PTPRG: variants seen among roughly 807,000 people sequenced by gnomAD.
PTPRG encodes the protein receptor-type tyrosine-protein phosphatase gamma.
PTPRG carries 102 observed loss-of-function variants against 165.3 expected under a neutral mutation model. That is an observed-to-expected ratio of 0.62 (90% CI 0.53 to 0.73). The LOEUF is 0.73. PTPRG is among the 30% of genes least tolerant of loss of function. The probability of loss-of-function intolerance (pLI) is 0.00; values close to 1 mark genes in which losing one functional copy is unlikely to be tolerated. For missense variants in PTPRG, 1,866 were observed against 1,861.4 expected (o/e 1.00, Z -0.05); for synonymous variants, 675 against 669.5 (o/e 1.01, Z -0.13).
chr3:62,106,501 G>C (rs1017499856), intron 5 of PTPRG, among the ~76,000 whole-genome samples: 3 of 120,030 alleles, frequency 2.5e-5, no homozygotes, highest in Non-Finnish European at 3.4e-5. Flanking sequence ...AACTCTTAAA[G>C]GCTTTTTTTT....
chr3:62,067,625 G>A (rs139418593), intron 4 of PTPRG, among the ~76,000 whole-genome samples: 14 of 152,280 alleles, frequency 9.2e-5, no homozygotes, highest in Admixed American at 2.6e-4. Flanking sequence ...TCCCATCTAG[G>A]GATGATGGGA....
intron 1 of PTPRG, among the ~76,000 whole-genome samples, chr3:61,687,218 A>G (rs1703661947): frequency 1.3e-5 from 2 of 152,258 alleles, no homozygotes; most frequent in Admixed American, 1.3e-4. Context: ...TGACTTAAAC[A>G]TCTTATTATC....
intron 3 of PTPRG, 114 bp downstream of exon 3, chr3:61,989,918 G>A (rs142224207): frequency 3.6e-6 from 4 of 1,119,260 alleles, no homozygotes; most frequent in Admixed American, 5.0e-5. Flanking sequence ...GCTGTGGGGA[G>A]CCTAAATCAG....
intron 19 of PTPRG, among the ~76,000 whole-genome samples, chr3:62,268,745 T>G (rs1328052569): frequency 6.6e-6 from 1 of 152,166 alleles, no homozygotes; most frequent in Non-Finnish European, 1.5e-5. Flanking sequence ...GTTTCTTTCT[T>G]AGTCCCTTTT....
intron 1 of PTPRG, among the ~76,000 whole-genome samples, chr3:61,708,836 T>C (rs923379476): frequency 2.0e-5 from 3 of 152,230 alleles, no homozygotes; most frequent in Admixed American, 6.5e-5. Flanking sequence ...TGAAAAATAT[T>C]TTGGAAACTT....
intron 2 of PTPRG, among the ~76,000 whole-genome samples, chr3:61,957,063 G>C (rs1389185257): frequency 6.6e-6 from 1 of 152,120 alleles, no homozygotes; most frequent in African/African-American, 2.4e-5. Context: ...ATAAAAACTT[G>C]TACTGTGAAT....
intron 14 of PTPRG, among the ~76,000 whole-genome samples, chr3:62,238,145 G>C (rs184882530): frequency 6.6e-6 from 1 of 152,348 alleles, no homozygotes; most frequent in East Asian, 1.9e-4. Flanking sequence ...TGCTTACTCT[G>C]TGAGAGGGAT....
At chr3:61,600,376 A>G (rs13434097) in intron 1 of PTPRG, among the ~76,000 whole-genome samples, 17,629 of 152,004 alleles carry the variant, frequency 0.12, 1,137 homozygotes, top group African/African-American at 0.17. Flanking sequence ...CAATGTTGAC[A>G]TTACACAAAA....
intron 2 of PTPRG, among the ~76,000 whole-genome samples, chr3:61,796,528 A>G (rs1386643616): frequency 2.0e-5 from 3 of 152,212 alleles, no homozygotes; most frequent in Non-Finnish European, 4.4e-5. Context: ...CAAAGTCTGC[A>G]TGACGCTCTG....
At chr3:61,815,242 CAAAA>C (rs749800087) in intron 2 of PTPRG, among the ~76,000 whole-genome samples, 2,912 of 110,154 alleles carry the variant, frequency 0.026, 32 homozygotes, top group Non-Finnish European at 0.041. Context: ...ACTAAAAATA[CAAAA>C]AAAAAAAAAA....
intron 1 of PTPRG, among the ~76,000 whole-genome samples, chr3:61,563,287 TTC>T (rs1421539294): frequency 6.6e-6 from 1 of 152,140 alleles, no homozygotes; most frequent in Non-Finnish European, 1.5e-5. Flanking sequence ...TCTCGCTCCT[TTC>T]TGGCCAGGTT....
chr3:61,805,768 A>G (rs1348648522), intron 2 of PTPRG, among the ~76,000 whole-genome samples: 1 of 152,184 alleles, frequency 6.6e-6, no homozygotes, highest in African/African-American at 2.4e-5. Context: ...GGAAGGACAG[A>G]AGGGAGATTT....
chr3:62,182,095 G>A (rs562049573), intron 8 of PTPRG, among the ~76,000 whole-genome samples: 6 of 152,302 alleles, frequency 3.9e-5, no homozygotes, highest in East Asian at 1.9e-4. Context: ...AAGAGAAAAT[G>A]TATTTACTGT....
At chr3:61,786,430 G>A (rs1165164491) in intron 2 of PTPRG, among the ~76,000 whole-genome samples, 1 of 152,168 alleles carries the variant, frequency 6.6e-6, no homozygotes, top group East Asian at 1.9e-4. Context: ...AGCCTCATGA[G>A]TTATTTCATC....
intron 2 of PTPRG, among the ~76,000 whole-genome samples, chr3:61,817,836 T>C (rs899601661): frequency 7.9e-5 from 12 of 152,176 alleles, no homozygotes; most frequent in African/African-American, 2.7e-4. Context: ...TGTGGTGATT[T>C]TGGGGCTCTA....
chr3:61,844,408 A>G (rs1379214305), intron 2 of PTPRG, among the ~76,000 whole-genome samples: 1 of 152,210 alleles, frequency 6.6e-6, no homozygotes, highest in Non-Finnish European at 1.5e-5. Flanking sequence ...ATTTTTTAGG[A>G]TAAGTAAATC....
intron 2 of PTPRG, among the ~76,000 whole-genome samples, chr3:61,765,451 C>G (rs181011724): frequency 6.6e-6 from 1 of 151,996 alleles, no homozygotes; most frequent in Non-Finnish European, 1.5e-5. Flanking sequence ...TCTAAGAGGC[C>G]GTTAGGAAAT....
At chr3:61,588,133 G>A (rs946357846) in intron 1 of PTPRG, among the ~76,000 whole-genome samples, 8 of 151,958 alleles carry the variant, frequency 5.3e-5, no homozygotes, top group African/African-American at 1.9e-4. Flanking sequence ...CCCTCACTTT[G>A]GATTTGTGTG....
At chr3:62,005,555 A>G (rs1348056908) in intron 4 of PTPRG, among the ~76,000 whole-genome samples, 4 of 152,234 alleles carry the variant, frequency 2.6e-5, no homozygotes, top group African/African-American at 4.8e-5. Context: ...TCAGATGGCT[A>G]CCTTGGAAAA....
Sources: gnomAD v4.1 joint callset for allele counts (sites outside exome capture counted in the v4.1 genomes callset) on GRCh38, gnomAD v4.1.1 for gene constraint, MANE v1.5 for transcripts, NCBI Gene and HGNC (gene_info 2026-07-23, HGNC 2026-07-21) for gene names.